Variants in PIBF1 observed in about 807,000 individuals in gnomAD.
PIBF1 encodes the protein progesterone immunomodulatory binding factor 1.
A neutral mutation model predicts 112.5 loss-of-function variants in PIBF1; 90 were observed. The ratio of observed to expected loss-of-function variants is 0.80; its 90% CI spans 0.67 to 0.95. PIBF1 has a LOEUF of 0.95. Among genes scored for constraint, PIBF1 ranks in the 40% least tolerant of loss-of-function variants. PIBF1 has a pLI of 0.00. For synonymous variants in PIBF1, 301 were observed against 288.6 expected, an observed-to-expected ratio of 1.04 and a Z score of -0.44; for missense variants, 915 against 852.3, an observed-to-expected ratio of 1.07 and a Z score of -0.92.
chr13:72,924,648 C>G (rs2041417823), intron 13 of PIBF1, among the ~76,000 whole-genome samples: 1 of 151,762 alleles, frequency 6.6e-6, no homozygotes. Context: ...CGCAGGAGGT[C>G]AAGACTGCAG....
At chr13:72,853,173 A>G (rs541509273) in intron 9 of PIBF1, among the ~76,000 whole-genome samples, 44 of 152,038 alleles carry the variant, frequency 2.9e-4, no homozygotes, top group Admixed American at 1.2e-3. Context: ...GCTCATGGCT[A>G]GTTGTGTAAT....
chr13:72,988,108 G>A (rs1056503663), intron 16 of PIBF1, among the ~76,000 whole-genome samples: 4 of 151,414 alleles, frequency 2.6e-5, no homozygotes, highest in African/African-American at 7.3e-5. Flanking sequence ...TGATCCACCC[G>A]CCTCTGCCTC....
chr13:72,950,466 A>G (rs2042266910), intron 14 of PIBF1, among the ~76,000 whole-genome samples: 1 of 152,218 alleles, frequency 6.6e-6, no homozygotes, highest in Non-Finnish European at 1.5e-5. Context: ...AAATAGCAAG[A>G]ATTCCCACTG....
At chr13:72,894,573 A>T (rs1443553153) in intron 11 of PIBF1, among the ~76,000 whole-genome samples, 1 of 151,830 alleles carries the variant, frequency 6.6e-6, no homozygotes, top group Admixed American at 6.6e-5. Context: ...AAATTTAAGA[A>T]TTTATACATG....
At chr13:72,983,857 TAAAA>T (rs533486944) in intron 16 of PIBF1, among the ~76,000 whole-genome samples, 12 of 151,596 alleles carry the variant, frequency 7.9e-5, no homozygotes, top group African/African-American at 2.9e-4. Context: ...GTCAGCATGC[TAAAA>T]AAAAACTACT....
intron 17 of PIBF1, among the ~76,000 whole-genome samples, chr13:72,999,811 C>G (rs1295222959): frequency 1.3e-5 from 2 of 152,132 alleles, no homozygotes; most frequent in Admixed American, 6.6e-5. Context: ...GCTCACACCT[C>G]TAATCCCAGC....
chr13:72,949,093 T>C (rs912479881), intron 14 of PIBF1, among the ~76,000 whole-genome samples: 21 of 152,110 alleles, frequency 1.4e-4, no homozygotes, highest in African/African-American at 4.8e-4. Flanking sequence ...ATATTTAACA[T>C]ATTGAAGAAG....
intron 10 of PIBF1, among the ~76,000 whole-genome samples, chr13:72,866,844 A>C (rs1311818365): frequency 6.6e-6 from 1 of 152,140 alleles, no homozygotes; most frequent in Non-Finnish European, 1.5e-5. Context: ...TCCTGATTTT[A>C]ATAAATGTTT....
chr13:72,801,745 T>C (rs906003316), intron 5 of PIBF1, among the ~76,000 whole-genome samples: 31 of 152,340 alleles, frequency 2.0e-4, no homozygotes, highest in South Asian at 1.7e-3. Context: ...AAGTGATTTC[T>C]CGCAGTTCTG....
intron 10 of PIBF1, among the ~76,000 whole-genome samples, chr13:72,854,386 A>G (rs1222781471): frequency 6.6e-6 from 1 of 152,136 alleles, no homozygotes; most frequent in Non-Finnish European, 1.5e-5. Flanking sequence ...GATATTGAAA[A>G]TGTGGTATAG....
At chr13:72,908,233 T>A (rs943901748) in intron 11 of PIBF1, among the ~76,000 whole-genome samples, 2 of 152,176 alleles carry the variant, frequency 1.3e-5, no homozygotes, top group South Asian at 2.1e-4. Context: ...TGTATTTTTT[T>A]AAATTCTAAC....
chr13:72,887,283 A>G lies in PIBF1; in HGVS notation c.1323-6501A>G, dbSNP rs79104421. Reference sequence around the variant, plus strand: ...CTAAGATAACATTTTGTATTTTAATAACATGAAAGGAAAGTAATTTCAGAT... The same window carrying G: ...CTAAGATAACATTTTGTATTTTAATGACATGAAAGGAAAGTAATTTCAGAT... On this transcript the variant is annotated intron_variant, in intron 10 of 17. Transcript: ENST00000326291. 6.9e-3 allele frequency among the ~76,000 whole-genome samples: 1,055 copies of G among 152,118 alleles called. 15 individuals are homozygous for G. Among genetic ancestry groups the G allele is most frequent in the African/African-American group, 0.024 (1,018 of 41,570 alleles).
At chr13:72,890,797 C>T (rs1594132611) in intron 10 of PIBF1, among the ~76,000 whole-genome samples, 1 of 152,132 alleles carries the variant, frequency 6.6e-6, no homozygotes, top group African/African-American at 2.4e-5. Context: ...CTGAAACTAG[C>T]TCCTGGGCAT....
intron 5 of PIBF1, among the ~76,000 whole-genome samples, chr13:72,810,125 TG>T (rs2035939961): frequency 6.6e-6 from 1 of 152,236 alleles, no homozygotes. Flanking sequence ...ATTATGTATA[TG>T]ATCTTGTGTA....
rs185286405 is a variant in PIBF1, at chr13:72,806,389, T to C, written c.672+8363T>C. Among the ~76,000 whole-genome samples the C allele has an allele frequency of 5.3e-5, 8 of 152,248 alleles. No individual in the cohort carries two copies. In the East Asian group the frequency reaches 1.5e-3, roughly 29 times the overall value. ...ACAGAATTTTCTTTTTTTTTTTTATTGTACTTTAAGTTCTGGGGTACATAG... is the reference window on the plus strand; with the variant it reads ...ACAGAATTTTCTTTTTTTTTTTTATCGTACTTTAAGTTCTGGGGTACATAG... On this transcript the variant is annotated intron_variant, in intron 5 of 17. Transcript: ENST00000326291.
chr13:72,868,042 G>T (rs1215175779), intron 10 of PIBF1, among the ~76,000 whole-genome samples: 1 of 152,116 alleles, frequency 6.6e-6, no homozygotes, highest in African/African-American at 2.4e-5. Context: ...GTTCACACCT[G>T]TAATCCCAAC....
At chr13:72,810,074 G>A (rs1030353980) in intron 5 of PIBF1, among the ~76,000 whole-genome samples, 1 of 152,182 alleles carries the variant, frequency 6.6e-6, no homozygotes, top group Non-Finnish European at 1.5e-5. Context: ...TTATTTAAAA[G>A]TGTCAGTAAT....
At chr13:72,942,175 G>T (rs1171987720) in intron 14 of PIBF1, among the ~76,000 whole-genome samples, 1 of 151,004 alleles carries the variant, frequency 6.6e-6, no homozygotes, top group African/African-American at 2.4e-5. Flanking sequence ...CATTATAAAG[G>T]AGGAGACTCA....
chr13:73,003,721 T>C (rs1221632381), intron 17 of PIBF1, among the ~76,000 whole-genome samples: 1 of 152,146 alleles, frequency 6.6e-6, no homozygotes, highest in African/African-American at 2.4e-5. Flanking sequence ...TTTTTTGTTT[T>C]ATTTTTGAGA....
Sources: gnomAD v4.1 joint callset for allele counts (sites outside exome capture counted in the v4.1 genomes callset) on GRCh38, gnomAD v4.1.1 for gene constraint, MANE v1.5 for transcripts, NCBI Gene and HGNC (gene_info 2026-07-23, HGNC 2026-07-21) for gene names.